Variants in TPGS2 observed in about 807,000 individuals in gnomAD.
TPGS2 encodes the protein polyglutamylase subunit 2.
In TPGS2, 26 loss-of-function variants were observed where a neutral mutation model predicts 31.1. That is an observed-to-expected ratio of 0.84 (90% CI 0.61 to 1.16). The LOEUF is 1.16. Ranked by LOEUF, TPGS2 falls within the 50% of genes most tolerant of loss-of-function variation. The pLI is 0.00. For missense variants in TPGS2, 351 were observed against 363.8 expected (o/e 0.96, Z 0.29); for synonymous variants, 130 against 136.6 (o/e 0.95, Z 0.34).
chr18:36,820,486 C>A (rs1031189168), intron 1 of TPGS2, among the ~76,000 whole-genome samples: 6 of 152,130 alleles, frequency 3.9e-5, no homozygotes, highest in Admixed American at 3.3e-4. Flanking sequence ...CACAGTACTT[C>A]AGAATTGGTG....
intron 2 of TPGS2, among the ~76,000 whole-genome samples, chr18:36,811,184 C>T (rs1192519158): frequency 6.6e-6 from 1 of 152,214 alleles, no homozygotes; most frequent in East Asian, 1.9e-4. Context: ...AAACTCTTCT[C>T]AGGGAGGACA....
At chr18:36,787,475 T>C (rs2044164230) in intron 6 of TPGS2, among the ~76,000 whole-genome samples, 1 of 152,170 alleles carries the variant, frequency 6.6e-6, no homozygotes. Context: ...AAGTTGCTTT[T>C]CCAAAAAAAC....
Position 36,825,166 on chromosome 18 carries a change from C to T in TPGS2, c.85+3517G>A, listed in dbSNP as rs572699241. Among the ~76,000 whole-genome samples, 11 of 152,264 alleles carry T rather than the reference C, an allele frequency of 7.2e-5. No individual in the cohort carries two copies. In the South Asian group the frequency reaches 2.3e-3, roughly 32 times the overall value. ...CAATGAATCAGGCCGGGCACGGTGG[C>T]TCACACCTGTAATCCCAGCACTTTG... On this transcript the variant is annotated intron_variant, in intron 1 of 6. Transcript: ENST00000334295.
At chr18:36,814,278 G>T (rs1304006636) in intron 2 of TPGS2, among the ~76,000 whole-genome samples, 4 of 152,166 alleles carry the variant, frequency 2.6e-5, no homozygotes, top group African/African-American at 9.7e-5. Flanking sequence ...TAGACACTGG[G>T]CCTTACTATG....
intron 6 of TPGS2, chr18:36,788,915 C>A (rs2150529516): frequency 6.6e-6 from 1 of 152,178 alleles, no homozygotes; most frequent in South Asian, 2.1e-4. Flanking sequence ...CCCCCCTGCT[C>A]CCTAGGAGGG....
chr18:36,815,583 G>C (rs1314548463), intron 2 of TPGS2, among the ~76,000 whole-genome samples: 3 of 151,832 alleles, frequency 2.0e-5, no homozygotes, highest in African/African-American at 7.2e-5. Context: ...ACCAGCTGTG[G>C]TTATGTCTAG....
At chr18:36,828,010 C>A (rs1015220924) in intron 1 of TPGS2, among the ~76,000 whole-genome samples, 1 of 151,992 alleles carries the variant, frequency 6.6e-6, no homozygotes, top group African/African-American at 2.4e-5. Context: ...AGTTCGAGAC[C>A]AGCCTGGCCA....
Position 36,829,000 on chromosome 18 carries a change from C to G in TPGS2, c.-233G>C. 2 of 1,152,492 alleles carry G rather than the reference C, an allele frequency of 1.7e-6. No individual in the cohort carries two copies. The allele number at this position is 1,152,492 out of a possible 1,614,324, so 71.4% of individuals were successfully genotyped here. A position where few individuals can be genotyped will look rare whatever the true frequency, so the allele number is the denominator to read the frequency against. On this transcript the variant is annotated 5_prime_UTR_variant, in exon 1 of 7. Coordinates refer to ENST00000334295, the MANE Select transcript of TPGS2 (RefSeq NM_015476.4). ...CACCTCCGGGACGTAGCTTCCCCTTCGCCCCCACCCTCTCGCCCCGCAGGG... is the reference window on the plus strand; with the variant it reads ...CACCTCCGGGACGTAGCTTCCCCTTGGCCCCCACCCTCTCGCCCCGCAGGG...
Position 36,818,891 on chromosome 18 carries a change from T to TA in TPGS2, c.165+2dup, listed in dbSNP as rs1197598232. 1 of 1,613,220 alleles carries TA rather than the reference T, an allele frequency of 6.2e-7. No individual in the cohort carries two copies. Among genetic ancestry groups the TA allele is most frequent in the African/African-American group, 1.3e-5 (1 of 74,932 alleles). Reference sequence around the variant, plus strand: ...GAGGTAGAGTTCATGTGGCAACACTTACTTGTTCCCAGGAAGAAATCATAT... The same window carrying TA: ...GAGGTAGAGTTCATGTGGCAACACTTAACTTGTTCCCAGGAAGAAATCATAT... On this transcript the variant is annotated splice_region_variant and intron_variant, in intron 2 of 6. Transcript: ENST00000334295.
chr18:36,787,793 A>AGGAGCTCATTCACAGAGAT (rs1269220089), intron 6 of TPGS2, among the ~76,000 whole-genome samples: 1 of 152,264 alleles, frequency 6.6e-6, no homozygotes, highest in African/African-American at 2.4e-5. Flanking sequence ...TGAGAATTAA[A>AGGAGCTCATTCACAGAGAT]GGAGCTCATT....
intron 2 of TPGS2, among the ~76,000 whole-genome samples, chr18:36,810,038 A>G (rs2045346981): frequency 1.3e-5 from 2 of 152,244 alleles, no homozygotes; most frequent in African/African-American, 4.8e-5. Flanking sequence ...CATTTCAAAT[A>G]CTAATATACA....
chr18:36,822,160 T>G (rs2045922670), intron 1 of TPGS2, among the ~76,000 whole-genome samples: 1 of 152,220 alleles, frequency 6.6e-6, no homozygotes. Context: ...TGTGACTGGT[T>G]GTTTTGCCAA....
At chr18:36,784,624 C>T (rs776019322) in intron 6 of TPGS2, among the ~76,000 whole-genome samples, 1 of 152,048 alleles carries the variant, frequency 6.6e-6, no homozygotes, top group Non-Finnish European at 1.5e-5. Flanking sequence ...TAAGTGATTT[C>T]TAAAAATAGC....
intron 6 of TPGS2, 116 bp from the exon 7 acceptor site, chr18:36,797,166 A>G: frequency 6.5e-7 from 1 of 1,540,616 alleles, no homozygotes; most frequent in Non-Finnish European, 8.7e-7. Context: ...CATTTTCATG[A>G]AAAACTGCCT....
rs1437344224 is a variant in TPGS2 at position 36,796,700 on chromosome 18, G to A, written c.*105C>T. ...CCTTACAATTTTGGTCATTCAACTA[G>A]AAAGAGGCCTACGGTCCACACGCAA... On this transcript the variant is annotated 3_prime_UTR_variant, in exon 7 of 7. Coordinates refer to ENST00000334295, the MANE Select transcript of TPGS2 (RefSeq NM_015476.4). 1 of 1,477,940 alleles carries A rather than the reference G, an allele frequency of 6.8e-7. No homozygotes were observed. The highest frequency in any genetic ancestry group is 1.4e-5 in the African/African-American group (1 of 69,396). 91.6% of individuals were successfully genotyped at this position (1,477,940 alleles called of 1,614,324 possible).
downstream of TPGS2, chr18:36,789,301 T>C (rs1026399190): frequency 2.6e-5 from 4 of 152,308 alleles, no homozygotes; most frequent in East Asian, 7.7e-4. Context: ...AAAATTATAA[T>C]ATAAAACAAG....
chr18:36,811,359 A>G (rs1021261928), intron 2 of TPGS2, among the ~76,000 whole-genome samples: 1 of 152,198 alleles, frequency 6.6e-6, no homozygotes, highest in Non-Finnish European at 1.5e-5. Flanking sequence ...TTGGGGCCAG[A>G]GCTGCATTGC....
At chr18:36,798,368 T>C in intron 6 of TPGS2, 81 bp downstream of exon 6, 1 of 1,593,292 alleles carries the variant, frequency 6.3e-7, no homozygotes. Context: ...GATAGGGAAG[T>C]TGGGAACCTG....
At position 36,796,957 on chromosome 18, in the gene TPGS2, C is replaced by A; in HGVS notation, c.751G>T (p.Val251Leu). The change falls in exon 7 of 7, where the codon GTG becomes TTG. Residue 251 changes from valine to leucine, a missense_variant. Val to Leu is a conservative substitution (Grantham distance 32, BLOSUM62 1). Transcript: ENST00000334295. ...ACGATCTTGTTCTTGCTCTTAAACA[C>A]TTTGCTGGGATCTAGCTTATTCACA... is the stretch of plus-strand genomic sequence containing the variant. The part of the protein sequence containing the change: ...SFVNKLDPSK[V>L]FKSKNKIVIP... 6.2e-7 allele frequency: 1 copy of A among 1,605,416 alleles called. No individual in the cohort carries two copies. The highest frequency in any genetic ancestry group is 8.5e-7 in the Non-Finnish European group (1 of 1,177,326).
Sources: allele counts gnomAD v4.1 joint callset (sites outside exome capture counted in the v4.1 genomes callset), GRCh38; gene constraint gnomAD v4.1.1; transcripts MANE v1.5; gene names NCBI Gene and HGNC (gene_info 2026-07-23, HGNC 2026-07-21).